Variants in SPTSSA observed in about 807,000 individuals in gnomAD.
SPTSSA encodes the protein serine palmitoyltransferase small subunit A, also known as small subunit of serine palmitoyltransferase A.
A neutral mutation model predicts 9.1 loss-of-function variants in SPTSSA; 8 were observed. That is an observed-to-expected ratio of 0.88 (90% CI 0.51 to 1.58). SPTSSA has a LOEUF of 1.58. Among genes scored for constraint, SPTSSA ranks in the 40% most tolerant of loss-of-function variants. The pLI is 0.00. For missense variants in SPTSSA, 100 were observed against 93.8 expected, an observed-to-expected ratio of 1.07 and a Z score of -0.27; for synonymous variants, 42 against 37.7, an observed-to-expected ratio of 1.11 and a Z score of -0.41.
chr14:34,459,507 G>A (rs1262186878), intron 1 of SPTSSA, among the ~76,000 whole-genome samples: 8 of 151,512 alleles, frequency 5.3e-5, no homozygotes, highest in African/African-American at 1.2e-4. Context: ...CTGGCCAGGC[G>A]TGGTAGCTCA....
Position 34,435,159 on chromosome 14 carries a change from TG to T in SPTSSA, c.*41del. On this transcript the variant is annotated 3_prime_UTR_variant, in exon 2 of 2. Coordinates refer to ENST00000298130, the MANE Select transcript of SPTSSA (RefSeq NM_138288.4). ...ATGGTCTCATTCCAACTTCGTAGGG[TG>T]GGTCTTCCCCAAGGAACCTCTGATC... 1 of 1,519,014 alleles carries T rather than the reference TG, an allele frequency of 6.6e-7. No individual in the cohort carries two copies. Among genetic ancestry groups the T allele is most frequent in the Non-Finnish European group, 9.1e-7 (1 of 1,099,006 alleles). The allele number at this position is 1,519,014 out of a possible 1,614,324, so 94.1% of individuals were successfully genotyped here. A position where few individuals can be genotyped will look rare whatever the true frequency, so the allele number is the denominator to read the frequency against.
intron 1 of SPTSSA, among the ~76,000 whole-genome samples, chr14:34,451,955 T>G (rs1162165194): frequency 1.3e-5 from 2 of 152,082 alleles, no homozygotes; most frequent in Non-Finnish European, 2.9e-5. Context: ...TCTTTTCCTT[T>G]GACCTCAAAA....
chr14:34,458,738 G>A lies in SPTSSA; in HGVS notation c.112+3358C>T, dbSNP rs137985163. 2.2e-3 allele frequency among the ~76,000 whole-genome samples: 310 copies of A among 141,768 alleles called. 1 individual carries two copies. The highest frequency in any genetic ancestry group is 7.6e-3 in the African/African-American group (284 of 37,466). 93.0% of individuals were successfully genotyped at this position (141,768 alleles called of 152,430 possible). ...GGCCAGACTGGTGAACCGCCACCGC[G>A]CCCGGCCAAGATTGACTTTCAATTT... On this transcript the variant is annotated intron_variant, in intron 1 of 1. Transcript: ENST00000298130.
chr14:34,450,600 T>C (rs557905150), intron 1 of SPTSSA, among the ~76,000 whole-genome samples: 9 of 132,772 alleles, frequency 6.8e-5, no homozygotes, highest in African/African-American at 3.1e-4. Flanking sequence ...ACTCAAGCAA[T>C]AGAGAACAAG....
At chr14:34,455,609 T>A (rs1166730275) in intron 1 of SPTSSA, among the ~76,000 whole-genome samples, 1 of 151,954 alleles carries the variant, frequency 6.6e-6, no homozygotes, top group Non-Finnish European at 1.5e-5. Flanking sequence ...AACTCCCAAA[T>A]ACTTTAATTA....
chr14:34,445,131 G>T (rs1005928291), intron 1 of SPTSSA, among the ~76,000 whole-genome samples: 2 of 151,942 alleles, frequency 1.3e-5, no homozygotes, highest in Non-Finnish European at 2.9e-5. Flanking sequence ...AGTTTTACAC[G>T]CAAGGTGTCT....
intron 1 of SPTSSA, among the ~76,000 whole-genome samples, chr14:34,437,419 C>G (rs1883257197): frequency 6.6e-6 from 1 of 152,232 alleles, no homozygotes; most frequent in South Asian, 2.1e-4. Flanking sequence ...AACATCCACT[C>G]TCCTCCTAGT....
intron 1 of SPTSSA, among the ~76,000 whole-genome samples, chr14:34,455,672 C>T (rs903377020): frequency 1.3e-5 from 2 of 152,132 alleles, no homozygotes; most frequent in Non-Finnish European, 2.9e-5. Context: ...TGGCTCACAC[C>T]TGTAATCCCA....
intron 1 of SPTSSA, among the ~76,000 whole-genome samples, chr14:34,452,604 A>G (rs1410342374): frequency 6.6e-6 from 1 of 152,210 alleles, no homozygotes; most frequent in African/African-American, 2.4e-5. Flanking sequence ...ATGATCACGG[A>G]CTGAAAATTT....
At chr14:34,438,401 CAA>C (rs1245299828) in intron 1 of SPTSSA, among the ~76,000 whole-genome samples, 44 of 152,118 alleles carry the variant, frequency 2.9e-4, no homozygotes, top group Non-Finnish European at 1.5e-5. Context: ...TGTTGTTGCT[CAA>C]AAGTTTTGGA....
intron 1 of SPTSSA, among the ~76,000 whole-genome samples, chr14:34,441,806 T>G (rs1283778425): frequency 6.6e-6 from 1 of 152,084 alleles, no homozygotes; most frequent in Non-Finnish European, 1.5e-5. Flanking sequence ...CACCGCCCAG[T>G]TCGCTTAAAC....
intron 1 of SPTSSA, among the ~76,000 whole-genome samples, chr14:34,458,084 T>G (rs1011712863): frequency 1.3e-5 from 2 of 152,168 alleles, no homozygotes; most frequent in Non-Finnish European, 2.9e-5. Flanking sequence ...TCAAGAACTA[T>G]TCACAATGTG....
intron 1 of SPTSSA, among the ~76,000 whole-genome samples, chr14:34,453,732 T>C (rs1391708343): frequency 6.6e-6 from 1 of 152,244 alleles, no homozygotes; most frequent in Non-Finnish European, 1.5e-5. Context: ...AAAACGCTTG[T>C]ATTAGTAAAA....
intron 1 of SPTSSA, among the ~76,000 whole-genome samples, chr14:34,436,753 A>C (rs1388994829): frequency 6.6e-6 from 1 of 152,180 alleles, no homozygotes; most frequent in South Asian, 2.1e-4. Flanking sequence ...AGGGCCATAC[A>C]GGAAGCTGTC....
chr14:34,435,280 C>G lies in SPTSSA; in HGVS notation c.137G>C (p.Gly46Ala), dbSNP rs1486829941. ...VFNSMLVSIV[G>A]MALYTGYVFM... Reference sequence around the variant, plus strand: ...GACGTATCCTGTGTATAGTGCCATCCCCACAATGGAAACCAGCATGGAATC... The same window carrying G: ...GACGTATCCTGTGTATAGTGCCATCGCCACAATGGAAACCAGCATGGAATC... The change falls in exon 2 of 2, where the codon GGG (glycine) becomes GCG (alanine). Residue 46 changes from glycine to alanine, a missense_variant. Physicochemically the swap from Gly to Ala is moderately conservative, Grantham distance 60. Transcript: ENST00000298130. 1.9e-6 allele frequency: 3 copies of G among 1,611,966 alleles called. No individual in the cohort carries two copies. The highest frequency in any genetic ancestry group is 1.7e-6 in the Non-Finnish European group (2 of 1,178,844).
At chr14:34,457,920 C>G (rs2787441) in intron 1 of SPTSSA, among the ~76,000 whole-genome samples, 1 of 139,854 alleles carries the variant, frequency 7.2e-6, no homozygotes, top group Non-Finnish European at 1.5e-5. Flanking sequence ...TGCAGTGAAC[C>G]GAGATCGCAC....
At chr14:34,446,402 T>A (rs1195365624) in intron 1 of SPTSSA, among the ~76,000 whole-genome samples, 1 of 152,222 alleles carries the variant, frequency 6.6e-6, no homozygotes, top group East Asian at 1.9e-4. Flanking sequence ...CCTACATCTC[T>A]ACAAACAATA....
intron 1 of SPTSSA, among the ~76,000 whole-genome samples, chr14:34,461,546 G>C (rs1425418536): frequency 6.6e-6 from 1 of 152,174 alleles, no homozygotes; most frequent in African/African-American, 2.4e-5. Context: ...CCAACTTGAA[G>C]ACCAAAAAGA....
At chr14:34,436,718 G>A (rs1756351993) in intron 1 of SPTSSA, among the ~76,000 whole-genome samples, 1 of 152,126 alleles carries the variant, frequency 6.6e-6, no homozygotes, top group Admixed American at 6.5e-5. Flanking sequence ...CTAATCAGAA[G>A]CTGAGAAAAC....
Sources: gnomAD v4.1 joint callset for allele counts (sites outside exome capture counted in the v4.1 genomes callset) on GRCh38, gnomAD v4.1.1 for gene constraint, MANE v1.5 for transcripts, NCBI Gene and HGNC (gene_info 2026-07-23, HGNC 2026-07-21) for gene names.